Variants in ELFN1 observed in about 807,000 individuals in gnomAD.
The protein encoded by ELFN1 is extracellular leucine rich repeat and fibronectin type III domain containing 1, also known as protein ELFN1.
In ELFN1, 6 loss-of-function variants were observed where a neutral mutation model predicts 7.6. The ratio of observed to expected loss-of-function variants is 0.79; its 90% CI spans 0.43 to 1.56. The LOEUF is 1.56. Ranked by LOEUF, ELFN1 falls within the 40% of genes most tolerant of loss-of-function variation. The pLI is 0.01. For missense variants in ELFN1, 1,169 were observed against 1,232.2 expected, an observed-to-expected ratio of 0.95 and a Z score of 0.77; for synonymous variants, 657 against 588.1, an observed-to-expected ratio of 1.12 and a Z score of -1.70.
rs182090780 is a variant in ELFN1 at position 1,744,885 on chromosome 7, G to A, written c.289G>A (p.Gly97Ser). The change falls in exon 4 of 4, where the codon GGC becomes AGC. Residue 97 changes from glycine (G) to serine (S), a missense_variant. This residue lies in a region of ELFN1 where 255 missense variants were observed against 359.6 expected (regional missense o/e 0.71). Coordinates refer to ENST00000424383, the MANE Select transcript of ELFN1 (RefSeq NM_001128636.4). ...CCTCAACCTCACCAAGAACGAGATCGGCTACATCGAGGACGGCGCCTTCTC... is the reference window on the plus strand; with the variant it reads ...CCTCAACCTCACCAAGAACGAGATCAGCTACATCGAGGACGGCGCCTTCTC... Reference protein sequence around the residue: ...TYLNLTKNEIGYIEDGAFSGQ... With the variant: ...TYLNLTKNEISYIEDGAFSGQ... 3.0e-4 allele frequency: 467 copies of A among 1,565,102 alleles called. 1 individual carries two copies. In the African/African-American group the frequency reaches 5.5e-3, roughly 19 times the overall value.
chr7:1,745,249 T>C lies in ELFN1; in HGVS notation c.653T>C (p.Met218Thr). ...FTNATQTYDR[M>T]QCESPPVYSG... The stretch of plus-strand genomic sequence containing the variant: ...AACGCCACACAGACGTACGACCGCA[T>C]GCAGTGCGAGTCGCCGCCCGTCTAC... Residue 218 changes from methionine (M) to threonine (T), a missense_variant, in exon 4 of 4, where the codon ATG becomes ACG. Coordinates refer to ENST00000424383, the MANE Select transcript of ELFN1 (RefSeq NM_001128636.4). 6.5e-7 allele frequency: 1 copy of C among 1,540,064 alleles called. No homozygotes were observed. The highest frequency in any genetic ancestry group is 8.7e-7 in the Non-Finnish European group (1 of 1,146,858).
intron 1 of ELFN1, among the ~76,000 whole-genome samples, chr7:1,683,466 G>C (rs1251576572): frequency 6.6e-6 from 1 of 152,288 alleles, no homozygotes; most frequent in Non-Finnish European, 1.5e-5. Context: ...TTGGTGTAAA[G>C]TTGTTCATAA....
At chr7:1,666,093 G>A (rs1490711378), upstream of ELFN1, among the ~76,000 whole-genome samples, 2 of 151,946 alleles carry the variant, frequency 1.3e-5, no homozygotes, top group Non-Finnish European at 2.9e-5. The surrounding 1 kb of genome is among the most constrained non-coding windows in gnomAD (Gnocchi z 7.9). Flanking sequence ...CGCCGCCGCC[G>A]CGCTCGGGGA....
intron 3 of ELFN1, among the ~76,000 whole-genome samples, chr7:1,741,120 A>G (rs1215600193): frequency 8.5e-6 from 1 of 118,322 alleles, no homozygotes; most frequent in African/African-American, 3.2e-5. Flanking sequence ...ACAGAGCAAG[A>G]CTCTGTCTCA....
chr7:1,746,446 A>G lies in ELFN1; in HGVS notation c.1850A>G (p.Lys617Arg), dbSNP rs1229725379. ...AKHGFLAPGYKDAFGHSLQRH... is the reference protein window; with the variant it reads ...AKHGFLAPGYRDAFGHSLQRH... ...CACGGCTTCCTGGCGCCCGGGTACAAGGACGCCTTCGGCCACAGCCTGCAG... is the reference window on the plus strand; with the variant it reads ...CACGGCTTCCTGGCGCCCGGGTACAGGGACGCCTTCGGCCACAGCCTGCAG... The change falls in exon 4 of 4, where the codon AAG becomes AGG. Residue 617 changes from lysine (K) to arginine (R), a missense_variant. This residue lies in a region of ELFN1 where 914 missense variants were observed against 872.6 expected (regional missense o/e 1.05). Transcript: ENST00000424383. 3.9e-6 allele frequency: 6 copies of G among 1,529,332 alleles called. No homozygotes were observed. The highest frequency in any genetic ancestry group is 5.3e-6 in the Non-Finnish European group (6 of 1,141,932). 94.7% of individuals were successfully genotyped at this position (1,529,332 alleles called of 1,614,324 possible).
At chr7:1,677,947 T>C (rs1369204926) in intron 1 of ELFN1, among the ~76,000 whole-genome samples, 1 of 152,056 alleles carries the variant, frequency 6.6e-6, no homozygotes, top group Non-Finnish European at 1.5e-5. Context: ...GTTTGCTGTC[T>C]GACAGACATC....
At chr7:1,684,173 C>G (rs150412011) in intron 1 of ELFN1, among the ~76,000 whole-genome samples, 19 of 152,244 alleles carry the variant, frequency 1.2e-4, no homozygotes, top group Non-Finnish European at 2.6e-4. Flanking sequence ...TTTACCTACT[C>G]CAGTTCTGTT....
chr7:1,723,736 C>G (rs1289865922), intron 3 of ELFN1, among the ~76,000 whole-genome samples: 4 of 152,232 alleles, frequency 2.6e-5, no homozygotes, highest in African/African-American at 9.6e-5. Flanking sequence ...GCACTGTGTA[C>G]TGGGTCCTGC....
chr7:1,742,488 G>C (rs1157139852), intron 3 of ELFN1, among the ~76,000 whole-genome samples: 1 of 152,258 alleles, frequency 6.6e-6, no homozygotes, highest in African/African-American at 2.4e-5. Flanking sequence ...GGATGGAGGG[G>C]CTGGCGTGGG....
chr7:1,675,347 C>T (rs977821436), intron 1 of ELFN1, among the ~76,000 whole-genome samples: 3 of 152,330 alleles, frequency 2.0e-5, no homozygotes, highest in South Asian at 2.1e-4. Flanking sequence ...GGTCTGTCCA[C>T]GTGACAGGTG....
chr7:1,711,828 C>T lies in ELFN1; in HGVS notation c.-294+2576C>T, dbSNP rs117444102. ...CCTCTCTCAATGAGGCTTCCCTGGG[C>T]TGGGAGCTCTTGGGAAGACAGGGCA... On this transcript the variant is annotated intron_variant, in intron 3 of 3. Coordinates refer to ENST00000424383, the MANE Select transcript of ELFN1 (RefSeq NM_001128636.4). Among the ~76,000 whole-genome samples, 1,467 of 152,310 alleles carry T rather than the reference C, an allele frequency of 9.6e-3. 9 individuals carry two copies. The highest frequency in any genetic ancestry group is 0.014 in the Non-Finnish European group (970 of 68,020).
chr7:1,727,021 C>T (rs1355192325), intron 3 of ELFN1, among the ~76,000 whole-genome samples: 1 of 152,188 alleles, frequency 6.6e-6, no homozygotes, highest in Non-Finnish European at 1.5e-5. Flanking sequence ...GGATCGGTGT[C>T]CAGCATCGGG....
intron 3 of ELFN1, among the ~76,000 whole-genome samples, chr7:1,726,934 G>A (rs961726488): frequency 1.3e-5 from 2 of 152,198 alleles, no homozygotes; most frequent in Admixed American, 6.5e-5. Context: ...GTCCTCTGAG[G>A]GTCGTTTTAC....
chr7:1,744,308 A>G lies in ELFN1; in HGVS notation c.-289A>G. 1 of 412,708 alleles carries G rather than the reference A, an allele frequency of 2.4e-6. No individual in the cohort carries two copies. The highest frequency in any genetic ancestry group is 4.3e-6 in the Non-Finnish European group (1 of 234,720). 25.6% of individuals were successfully genotyped at this position (412,708 alleles called of 1,614,324 possible). On this transcript the variant is annotated 5_prime_UTR_variant, in exon 4 of 4. Transcript: ENST00000424383. Reference sequence around the variant, plus strand: ...GTCTTCTCTCTTGTCTTGCAGCAGGAACGTCGGAGCAGGAGGAGTCAGTGG... The same window carrying G: ...GTCTTCTCTCTTGTCTTGCAGCAGGGACGTCGGAGCAGGAGGAGTCAGTGG...
At position 1,673,663 on chromosome 7, in the gene ELFN1, C is replaced by T. The variant is rs1778811460; in HGVS notation, c.-549+3309C>T. 6.6e-6 allele frequency among the ~76,000 whole-genome samples: 1 copy of T among 152,206 alleles called. No individual in the cohort carries two copies. Among genetic ancestry groups the T allele is most frequent in the South Asian group, 2.1e-4 (1 of 4,832 alleles). Reference sequence around the variant, plus strand: ...GCCCTACCTGGAGCCTGGGACAAAGCCCAGAGGAGCCTGGCTGCCTTGGAG... The same window carrying T: ...GCCCTACCTGGAGCCTGGGACAAAGTCCAGAGGAGCCTGGCTGCCTTGGAG... On this transcript the variant is annotated intron_variant, in intron 1 of 3. Transcript: ENST00000424383. The surrounding 1 kb of genome is among the most constrained non-coding windows in gnomAD (Gnocchi z 4.7).
At chr7:1,733,143 C>T (rs4720973) in intron 3 of ELFN1, among the ~76,000 whole-genome samples, 5,676 of 152,290 alleles carry the variant, frequency 0.037, 159 homozygotes, top group Non-Finnish European at 0.062. Context: ...ACAAGTGATC[C>T]ACCCACCTCG....
intron 1 of ELFN1, among the ~76,000 whole-genome samples, chr7:1,674,432 T>C (rs1778827931): frequency 1.3e-5 from 2 of 151,892 alleles, no homozygotes; most frequent in African/African-American, 4.8e-5. Context: ...GCTTCCAGGC[T>C]CCCCTCGCCT....
intron 2 of ELFN1, among the ~76,000 whole-genome samples, chr7:1,690,761 G>T (rs915292049): frequency 6.7e-6 from 1 of 150,350 alleles, no homozygotes; most frequent in South Asian, 2.1e-4. Flanking sequence ...AGGTGGGTGG[G>T]TGGATGGATG....
chr7:1,692,711 G>A (rs549145524), intron 2 of ELFN1: 19 of 153,576 alleles, frequency 1.2e-4, no homozygotes, highest in African/African-American at 4.3e-4. Flanking sequence ...AGGCCCTCCT[G>A]GGGCTCCCTC....
Sources: gnomAD v4.1 joint callset for allele counts (sites outside exome capture counted in the v4.1 genomes callset) on GRCh38, gnomAD v4.1.1 for gene constraint, gnomAD v4.1.1 regional missense constraint, Gnocchi (gnomAD v3.1) non-coding constraint, MANE v1.5 for transcripts, NCBI Gene and HGNC (gene_info 2026-07-23, HGNC 2026-07-21) for gene names.